The following DYNC2H1 variants were observed in gnomAD, a reference collection of about 807,000 sequenced individuals.
DYNC2H1 encodes the protein dynein cytoplasmic 2 heavy chain 1, also known as cytoplasmic dynein 2 heavy chain 1.
DYNC2H1 carries 410 observed loss-of-function variants against 570.0 expected under a neutral mutation model. The ratio of observed to expected loss-of-function variants is 0.72; its 90% confidence interval spans 0.66 to 0.78. The LOEUF (loss-of-function observed/expected upper bound fraction) is 0.78, where lower values mean the gene tolerates loss of function less well. Among genes scored for constraint, DYNC2H1 ranks in the 30% least tolerant of loss-of-function variants. DYNC2H1 has a pLI of 0.00. For synonymous variants in DYNC2H1, 1,688 were observed against 1,677.6 expected, an observed-to-expected ratio of 1.01 and a Z score of -0.15; for missense variants, 4,865 against 5,046.4, an observed-to-expected ratio of 0.96 and a Z score of 1.09.
intron 73 of DYNC2H1, among the ~76,000 whole-genome samples, chr11:103,283,844 A>G (rs1023692240): frequency 2.6e-5 from 4 of 152,092 alleles, no homozygotes; most frequent in South Asian, 2.1e-4. Context: ...AAGAAATGAA[A>G]AAAAGGGGGG....
intron 47 of DYNC2H1, among the ~76,000 whole-genome samples, chr11:103,196,938 G>A (rs1862527925): frequency 6.6e-6 from 1 of 152,120 alleles, no homozygotes; most frequent in African/African-American, 2.4e-5. Context: ...GGAAGGTAAG[G>A]TTGTTTTTTT....
chr11:103,134,226 C>A, intron 14 of DYNC2H1, 95 bp from the exon 15 acceptor site: 3 of 1,029,082 alleles, frequency 2.9e-6, no homozygotes, highest in Admixed American at 2.0e-5. Flanking sequence ...TAAACTTGAT[C>A]ACTTGGTTAA....
At chr11:103,432,891 TA>T (rs796819691) in intron 84 of DYNC2H1, among the ~76,000 whole-genome samples, 2 of 152,090 alleles carry the variant, frequency 1.3e-5, no homozygotes, top group South Asian at 4.1e-4. Flanking sequence ...AATATTAGCT[TA>T]AAAAAATTTC....
rs775568586 is a variant in DYNC2H1, at chr11:103,462,741, T to A, written c.12649-5848T>A. Among the ~76,000 whole-genome samples, 15 of 152,350 alleles carry A rather than the reference T, an allele frequency of 9.8e-5. No homozygotes were observed. In the South Asian group the frequency reaches 1.4e-3, roughly 15 times the overall value. ...GTGACATTTTCTCTTTAAGTATCATTGTGAGCTTCTTGTATATCTAATGTT... is the reference window on the plus strand; with the variant it reads ...GTGACATTTTCTCTTTAAGTATCATAGTGAGCTTCTTGTATATCTAATGTT... On this transcript the variant is annotated intron_variant, in intron 87 of 88. Transcript: ENST00000375735.
At chr11:103,432,235 TCAAAA>T (rs975030825) in intron 84 of DYNC2H1, among the ~76,000 whole-genome samples, 5 of 152,144 alleles carry the variant, frequency 3.3e-5, no homozygotes, top group African/African-American at 1.2e-4. Flanking sequence ...AGACAACACT[TCAAAA>T]CAACGATTTT....
rs954822298 is a variant in DYNC2H1 at position 103,120,681 on chromosome 11, G to C, written c.1135-8G>C. Reference sequence around the variant, plus strand: ...ACTAAAGTCTAACAATGTTGTTAATGTATGTAGCCCTTGTGGAAAGCTGCG... The same window carrying C: ...ACTAAAGTCTAACAATGTTGTTAATCTATGTAGCCCTTGTGGAAAGCTGCG... On this transcript the variant is annotated splice_polypyrimidine_tract_variant and splice_region_variant and intron_variant, in intron 7 of 88. Transcript: ENST00000375735. 1 of 1,610,110 alleles carries C rather than the reference G, an allele frequency of 6.2e-7. No homozygotes were observed. Among genetic ancestry groups the C allele is most frequent in the East Asian group, 2.2e-5 (1 of 44,766 alleles).
intron 36 of DYNC2H1, 77 bp downstream of exon 36, chr11:103,174,247 A>G (rs1461606470): frequency 6.2e-6 from 8 of 1,281,352 alleles, no homozygotes; most frequent in Non-Finnish European, 7.6e-6. Flanking sequence ...TGAGATTTAC[A>G]GAAAAGTTGT....
intron 29 of DYNC2H1, 56 bp downstream of exon 29, chr11:103,161,100 T>A (rs1591338787): frequency 1.0e-6 from 1 of 1,004,324 alleles, no homozygotes; most frequent in Middle Eastern, 2.8e-4. Flanking sequence ...ATATGAACTT[T>A]GTGTCTAAAA....
chr11:103,171,276 A>T, intron 34 of DYNC2H1, among the ~76,000 whole-genome samples: 1 of 149,010 alleles, frequency 6.7e-6, no homozygotes, highest in African/African-American at 2.5e-5. Context: ...TTTTTGGGGG[A>T]CAGAGTTTTG....
Position 103,204,097 on chromosome 11 carries a change from C to G in DYNC2H1, c.8311+321C>G, listed in dbSNP as rs1353761312. Among the ~76,000 whole-genome samples, 1 of 152,080 alleles carries G rather than the reference C, an allele frequency of 6.6e-6. No homozygotes were observed. Among genetic ancestry groups the G allele is most frequent in the Non-Finnish European group, 1.5e-5 (1 of 68,024 alleles). On this transcript the variant is annotated intron_variant, in intron 51 of 88. Transcript: ENST00000375735. This position sits in a 1 kb window ranked among gnomAD's most constrained non-coding sequence, Gnocchi z 4.1. Reference sequence around the variant, plus strand: ...GGAAGGAGGAGCAAGTCATATTTTACATGGATGGCAGCAAGCAAAGGAGGG... The same window carrying G: ...GGAAGGAGGAGCAAGTCATATTTTAGATGGATGGCAGCAAGCAAAGGAGGG...
At chr11:103,346,853 ACT>A (rs1184352491) in intron 82 of DYNC2H1, among the ~76,000 whole-genome samples, 3 of 152,140 alleles carry the variant, frequency 2.0e-5, no homozygotes, top group South Asian at 4.1e-4. Flanking sequence ...TATTTCACAA[ACT>A]CTAATAAAAT....
chr11:103,461,786 AAG>A lies in DYNC2H1; in HGVS notation c.12648+5437_12648+5438del, dbSNP rs140953192. ...TATTAAACATTTTAAACAAATACAGAAGAGAGAGTAGTAAAATGAGTCTGCAT... is the reference window on the plus strand; with the variant it reads ...TATTAAACATTTTAAACAAATACAGAAGAGAGTAGTAAAATGAGTCTGCAT... On this transcript the variant is annotated intron_variant, in intron 87 of 88. Transcript: ENST00000375735. The surrounding 1 kb of genome is among the most constrained non-coding windows in gnomAD (Gnocchi z 4.8). Among the ~76,000 whole-genome samples, 24,725 of 151,936 alleles carry A rather than the reference AAG, an allele frequency of 0.16. 2,170 individuals carry two copies. The highest frequency in any genetic ancestry group is 0.25 in the Admixed American group (3,740 of 15,256).
At chr11:103,414,290 T>A (rs1943198870) in intron 84 of DYNC2H1, among the ~76,000 whole-genome samples, 1 of 152,118 alleles carries the variant, frequency 6.6e-6, no homozygotes, top group Non-Finnish European at 1.5e-5. Context: ...TGCCTACAAA[T>A]TCAACAACTT....
At chr11:103,351,798 C>A (rs1055024680) in intron 82 of DYNC2H1, among the ~76,000 whole-genome samples, 6 of 151,868 alleles carry the variant, frequency 4.0e-5, no homozygotes, top group Non-Finnish European at 8.8e-5. Context: ...GAAAATGTTG[C>A]CTCATTTTTC....
chr11:103,282,373 G>C, intron 72 of DYNC2H1, 144 bp downstream of exon 72: 1 of 694,236 alleles, frequency 1.4e-6, no homozygotes, highest in Non-Finnish European at 2.4e-6. Context: ...GGCCTCTTAA[G>C]TATTTCCTAT....
At chr11:103,231,227 G>C in intron 59 of DYNC2H1, 33 bp from the exon 60 acceptor site, 2 of 1,358,210 alleles carry the variant, frequency 1.5e-6, no homozygotes, top group Non-Finnish European at 1.0e-6. Context: ...ATCTAAAATA[G>C]AATGACTTGT....
In DYNC2H1 at chr11:103,451,434, G is replaced by A. The variant is rs537445130; in HGVS notation, c.12457-3752G>A. Among the ~76,000 whole-genome samples the A allele has an allele frequency of 2.6e-4, 36 of 139,690 alleles. No homozygotes were observed. The South Asian group carries it at 7.7e-3, about 30-fold the overall frequency. The allele number at this position is 139,690 out of a possible 152,430, so 91.6% of individuals were successfully genotyped here. ...TGCAACCTCCGCCTCCCAGGTTCAA[G>A]CGATTCTCCTGCCTCAGTCTCCCAA... On this transcript the variant is annotated intron_variant, in intron 85 of 88. Coordinates refer to ENST00000375735, the MANE Select transcript of DYNC2H1 (RefSeq NM_001377.3).
chr11:103,282,910 G>T (rs1866197778), intron 72 of DYNC2H1, 98 bp from the exon 73 acceptor site: 1 of 866,416 alleles, frequency 1.2e-6, no homozygotes, highest in Non-Finnish European at 1.8e-6. Flanking sequence ...TGCATAGAAT[G>T]AATTTTTTTC....
rs373782006 is a variant in DYNC2H1, at chr11:103,259,005, A to G, written c.10606-883A>G. ...CATGCTACTACAAGGCTAGAAGCCT[A>G]GGATTAATGCATCTGAGTTCCAGTT... On this transcript the variant is annotated intron_variant, in intron 69 of 88. Coordinates refer to ENST00000375735, the MANE Select transcript of DYNC2H1 (RefSeq NM_001377.3). Among the ~76,000 whole-genome samples the G allele has an allele frequency of 7.9e-5, 12 of 152,356 alleles. 1 individual carries two copies. Among genetic ancestry groups the G allele is most frequent in the African/African-American group, 2.9e-4 (12 of 41,586 alleles).
Sources: allele counts gnomAD v4.1 joint callset (sites outside exome capture counted in the v4.1 genomes callset), GRCh38; gene constraint gnomAD v4.1.1; non-coding constraint Gnocchi (gnomAD v3.1); transcripts MANE v1.5; gene names NCBI Gene and HGNC (gene_info 2026-07-23, HGNC 2026-07-21).